The following GPC6 variants were observed in gnomAD, a reference collection of about 807,000 sequenced individuals.
GPC6 encodes glypican 6, also known as glypican-6.
GPC6 carries 14 observed loss-of-function variants against 55.2 expected under a neutral mutation model. The observed-to-expected ratio is 0.25, with a 90% CI of 0.17 to 0.40. GPC6 has a LOEUF of 0.40. GPC6 is among the 10% of genes least tolerant of loss of function. GPC6 has a pLI of 1.00. For missense variants in GPC6, 641 were observed against 708.5 expected, an observed-to-expected ratio of 0.90 and a Z score of 1.08; for synonymous variants, 278 against 259.6, an observed-to-expected ratio of 1.07 and a Z score of -0.68.
chr13:93,861,102 T>C (rs1405684245), intron 3 of GPC6, among the ~76,000 whole-genome samples: 4 of 151,468 alleles, frequency 2.6e-5, no homozygotes, highest in Middle Eastern at 3.2e-3. Flanking sequence ...TAGATCCGTG[T>C]AAACCCCTTA....
At chr13:93,623,333 T>G (rs186750707) in intron 2 of GPC6, among the ~76,000 whole-genome samples, 1 of 152,324 alleles carries the variant, frequency 6.6e-6, no homozygotes, top group African/African-American at 2.4e-5. Flanking sequence ...ACTTTTTAAA[T>G]TTTTTGAAGA....
Position 94,268,108 on chromosome 13 carries a change from T to A in GPC6, c.878-18241T>A, listed in dbSNP as rs375049803. 1.3e-3 allele frequency among the ~76,000 whole-genome samples: 192 copies of A among 152,344 alleles called. 5 individuals are homozygous for A. Among genetic ancestry groups the A allele is most frequent in the African/African-American group, 4.3e-3 (180 of 41,584 alleles). On this transcript the variant is annotated intron_variant, in intron 4 of 8. Transcript: ENST00000377047. ...TTACACAAGGATCTTCCAGCACATC[T>A]GCCACCTTGCTAAGGTCTAAATTGC...
chr13:93,598,796 TA>T, intron 2 of GPC6, among the ~76,000 whole-genome samples: 1 of 152,236 alleles, frequency 6.6e-6, no homozygotes, highest in East Asian at 1.9e-4. Context: ...TTAATACAAG[TA>T]AATGCTAATT....
chr13:93,431,518 T>C (rs938727004), intron 1 of GPC6, among the ~76,000 whole-genome samples: 1 of 152,160 alleles, frequency 6.6e-6, no homozygotes, highest in Non-Finnish European at 1.5e-5. Context: ...GAGTGAAAGA[T>C]AAGTGAAAAT....
At chr13:93,494,620 A>G (rs376208086) in intron 1 of GPC6, among the ~76,000 whole-genome samples, 5 of 152,146 alleles carry the variant, frequency 3.3e-5, no homozygotes, top group Non-Finnish European at 7.4e-5. Context: ...TCCTAGTCTC[A>G]ATGGTCTTTA....
chr13:94,251,411 A>T (rs1207399607), intron 4 of GPC6, among the ~76,000 whole-genome samples: 1 of 151,738 alleles, frequency 6.6e-6, no homozygotes, highest in Non-Finnish European at 1.5e-5. Context: ...TGGCACACAT[A>T]TACCTATGTA....
In GPC6 at chr13:94,332,294, T is replaced by C. The variant is rs142153457; in HGVS notation, c.1152+26171T>C. On this transcript the variant is annotated intron_variant, in intron 6 of 8. Coordinates refer to ENST00000377047, the MANE Select transcript of GPC6 (RefSeq NM_005708.5). ...CCCATGGATGGCAGCTGGATTCAGC[T>C]GAACTGTAGTAATTAGCCATCACCT... 2.8e-3 allele frequency among the ~76,000 whole-genome samples: 426 copies of C among 152,338 alleles called. 2 individuals carry two copies. Among genetic ancestry groups the C allele is most frequent in the African/African-American group, 9.7e-3 (404 of 41,566 alleles).
intron 1 of GPC6, among the ~76,000 whole-genome samples, chr13:93,244,909 G>A (rs1876548808): frequency 6.6e-6 from 1 of 151,400 alleles, no homozygotes; most frequent in East Asian, 1.9e-4. Context: ...CACTAACAAA[G>A]CCTCTAATCT....
intron 1 of GPC6, among the ~76,000 whole-genome samples, chr13:93,252,585 A>G (rs1464746390): frequency 6.6e-6 from 1 of 152,132 alleles, no homozygotes; most frequent in African/African-American, 2.4e-5. Context: ...CCAAGCTTGT[A>G]TAGTGTTTGT....
At chr13:93,490,832 C>G (rs1238010547) in intron 1 of GPC6, among the ~76,000 whole-genome samples, 8 of 100,242 alleles carry the variant, frequency 8.0e-5, no homozygotes, top group Non-Finnish European at 1.2e-4. Flanking sequence ...ATCCATGTCC[C>G]TACAAAGGAC....
intron 3 of GPC6, among the ~76,000 whole-genome samples, chr13:93,941,377 C>G (rs1002586937): frequency 1.1e-4 from 17 of 151,966 alleles, no homozygotes; most frequent in African/African-American, 4.1e-4. Context: ...CTATGATATC[C>G]CTTATAACTC....
chr13:93,349,227 T>C (rs562128281), intron 1 of GPC6, among the ~76,000 whole-genome samples: 81 of 151,458 alleles, frequency 5.3e-4, no homozygotes, highest in African/African-American at 1.8e-3. Context: ...TTAAGGAGTT[T>C]GTTGATCTTT....
intron 1 of GPC6, among the ~76,000 whole-genome samples, chr13:93,410,971 A>G (rs183802501): frequency 1.3e-5 from 2 of 152,168 alleles, no homozygotes; most frequent in African/African-American, 4.8e-5. Flanking sequence ...GCATCCATAT[A>G]TGTCAATGAC....
rs923825217 is a variant in GPC6 at position 94,098,980 on chromosome 13, A to G, written c.877+71086A>G. ...CTAAGAGAAGTCTGAAGCCGTTAGCAGTCTACATGAATGCATGATGACTGC... is the reference window on the plus strand; with the variant it reads ...CTAAGAGAAGTCTGAAGCCGTTAGCGGTCTACATGAATGCATGATGACTGC... On this transcript the variant is annotated intron_variant, in intron 4 of 8. Coordinates refer to ENST00000377047, the MANE Select transcript of GPC6 (RefSeq NM_005708.5). Among the ~76,000 whole-genome samples the G allele has an allele frequency of 2.0e-5, 3 of 152,316 alleles. No homozygotes were observed. In the South Asian group the frequency reaches 6.2e-4, roughly 32 times the overall value.
chr13:94,201,803 G>T (rs938768503), intron 4 of GPC6, among the ~76,000 whole-genome samples: 1 of 152,058 alleles, frequency 6.6e-6, no homozygotes, highest in Non-Finnish European at 1.5e-5. Flanking sequence ...ACAAAAATTA[G>T]CTGGGCGTGG....
At chr13:93,873,806 G>A (rs1048899711) in intron 3 of GPC6, among the ~76,000 whole-genome samples, 7 of 151,896 alleles carry the variant, frequency 4.6e-5, no homozygotes, top group East Asian at 1.9e-4. Flanking sequence ...ATTCTAGTAA[G>A]GCCTCACTAT....
chr13:94,377,389 A>G (rs2139201324), intron 6 of GPC6, among the ~76,000 whole-genome samples: 1 of 127,810 alleles, frequency 7.8e-6, no homozygotes, highest in South Asian at 2.9e-4. Flanking sequence ...GGCAAAGGAC[A>G]TGAACAGACA....
At chr13:93,354,351 T>TTTTTTTTGTTTG (rs1262485426) in intron 1 of GPC6, among the ~76,000 whole-genome samples, 1 of 130,244 alleles carries the variant, frequency 7.7e-6, no homozygotes, top group Non-Finnish European at 1.6e-5. Context: ...GTTGGTAGAT[T>TTTTTTTTGTTTG]TTTTTTTTTT....
intron 3 of GPC6, among the ~76,000 whole-genome samples, chr13:93,918,080 T>C (rs1877381517): frequency 1.4e-5 from 2 of 142,700 alleles, no homozygotes; most frequent in Admixed American, 1.4e-4. Flanking sequence ...CTGGGTGACA[T>C]AGAGAGACTC....
Sources: gnomAD v4.1 joint callset for allele counts (sites outside exome capture counted in the v4.1 genomes callset) on GRCh38, gnomAD v4.1.1 for gene constraint, MANE v1.5 for transcripts, NCBI Gene and HGNC (gene_info 2026-07-23, HGNC 2026-07-21) for gene names.